The following PTPRR variants were observed in gnomAD, a reference collection of about 807,000 sequenced individuals.
The protein encoded by PTPRR is receptor-type tyrosine-protein phosphatase R.
A neutral mutation model predicts 77.2 loss-of-function variants in PTPRR; 38 were observed. The observed-to-expected ratio is 0.49, with a 90% CI of 0.38 to 0.65. The LOEUF is 0.65. PTPRR is among the 30% of genes least tolerant of loss of function. The pLI is 0.00. For missense variants in PTPRR, 744 were observed against 799.2 expected (o/e 0.93, Z 0.83); for synonymous variants, 299 against 283.1 (o/e 1.06, Z -0.57).
Position 70,907,645 on chromosome 12 carries a change from C to A in PTPRR, c.58+12688G>T, listed in dbSNP as rs113998729. ...AGAGTGGAACATAATACAATTAAAACGGTACCTTGGGACAATGTGACTAGA... is the reference window on the plus strand; with the variant it reads ...AGAGTGGAACATAATACAATTAAAAAGGTACCTTGGGACAATGTGACTAGA... On this transcript the variant is annotated intron_variant, in intron 1 of 13. Transcript: ENST00000283228. Among the ~76,000 whole-genome samples, 650 of 152,166 alleles carry A rather than the reference C, an allele frequency of 4.3e-3. 6 individuals carry two copies. Among genetic ancestry groups the A allele is most frequent in the Middle Eastern group, 0.024 (7 of 294 alleles).
Position 70,887,805 on chromosome 12 carries a change from G to A in PTPRR, c.357+4874C>T, listed in dbSNP as rs116881314. 2.1e-3 allele frequency among the ~76,000 whole-genome samples: 320 copies of A among 152,146 alleles called. 5 individuals are homozygous for A. The Middle Eastern group carries it at 0.027, about 13-fold the overall frequency. ...GAGACACAGGGATAGGCCAGGTGGT[G>A]TGCTATGCTTCCCAAACCTCTGAAA... On this transcript the variant is annotated intron_variant, in intron 2 of 13. Transcript: ENST00000283228.
At chr12:70,721,984 T>C (rs936760227) in intron 6 of PTPRR, among the ~76,000 whole-genome samples, 3 of 152,174 alleles carry the variant, frequency 2.0e-5, no homozygotes, top group African/African-American at 7.2e-5. Context: ...GGAAGTATTG[T>C]ATTAAGAAAT....
chr12:70,672,036 C>A lies in PTPRR; in HGVS notation c.1498-9431G>T, dbSNP rs955466173. 10 of 1,330,706 alleles carry A rather than the reference C, an allele frequency of 7.5e-6. No homozygotes were observed. In the African/African-American group the frequency reaches 1.2e-4, roughly 15 times the overall value. The allele number at this position is 1,330,706 out of a possible 1,614,324, so 82.4% of individuals were successfully genotyped here. A position where few individuals can be genotyped will look rare whatever the true frequency, so the allele number is the denominator to read the frequency against. ...TTCCAGGCACCCCACCTGGTGGGGCCTCACTTGGGCCCAGAGATGGAGAAT... is the reference window on the plus strand; with the variant it reads ...TTCCAGGCACCCCACCTGGTGGGGCATCACTTGGGCCCAGAGATGGAGAAT... On this transcript the variant is annotated intron_variant, in intron 10 of 13. Transcript: ENST00000283228.
At chr12:70,745,667 G>T in intron 6 of PTPRR, 151 bp downstream of exon 6, 1 of 908,140 alleles carries the variant, frequency 1.1e-6, no homozygotes. Flanking sequence ...GATTCCTTTG[G>T]GAGACAAGAA....
intron 8 of PTPRR, among the ~76,000 whole-genome samples, chr12:70,690,148 C>T (rs1888007047): frequency 6.6e-6 from 1 of 152,074 alleles, no homozygotes; most frequent in Non-Finnish European, 1.5e-5. Context: ...GGCGAGGTAA[C>T]CAGAGAGATT....
rs188061216 is a variant in PTPRR at position 70,773,798 on chromosome 12, C to G, written c.358-9020G>C. ...TAAATAAAAAGCATCTAATAGTACA[C>G]AAGTGTTTGCTACATTATTTTCTGT... On this transcript the variant is annotated intron_variant, in intron 2 of 13. Transcript: ENST00000283228. Among the ~76,000 whole-genome samples the G allele has an allele frequency of 1.9e-3, 295 of 152,260 alleles. 1 individual carries two copies. The highest frequency in any genetic ancestry group is 6.5e-3 in the African/African-American group (270 of 41,548).
chr12:70,761,031 C>A (rs1202077585), intron 4 of PTPRR, among the ~76,000 whole-genome samples: 1 of 152,000 alleles, frequency 6.6e-6, no homozygotes, highest in African/African-American at 2.4e-5. Flanking sequence ...AAATTAATTT[C>A]AAAGTTATGG....
intron 1 of PTPRR, among the ~76,000 whole-genome samples, chr12:70,899,770 A>G (rs1893499581): frequency 1.3e-5 from 2 of 151,360 alleles, no homozygotes; most frequent in Non-Finnish European, 3.0e-5. Flanking sequence ...AGATGACATG[A>G]TTGTCTATAT....
At chr12:70,779,485 A>G (rs1891157758) in intron 2 of PTPRR, among the ~76,000 whole-genome samples, 1 of 152,136 alleles carries the variant, frequency 6.6e-6, no homozygotes, top group African/African-American at 2.4e-5. Context: ...TCACTTCCTC[A>G]GAGAGGCCTT....
chr12:70,765,748 C>G (rs1051640244), intron 2 of PTPRR, among the ~76,000 whole-genome samples: 1 of 152,204 alleles, frequency 6.6e-6, no homozygotes, highest in African/African-American at 2.4e-5. Flanking sequence ...AGCAGGCTAA[C>G]TGGGAGGCAC....
chr12:70,835,561 T>C (rs1036378732), intron 2 of PTPRR, among the ~76,000 whole-genome samples: 13 of 152,094 alleles, frequency 8.5e-5, no homozygotes, highest in African/African-American at 2.9e-4. Flanking sequence ...AAGCTACTCA[T>C]GTATTCCATG....
intron 2 of PTPRR, among the ~76,000 whole-genome samples, chr12:70,879,032 C>T (rs1040969210): frequency 6.6e-6 from 1 of 152,040 alleles, no homozygotes; most frequent in African/African-American, 2.4e-5. Flanking sequence ...TGTTCTCACT[C>T]ATAGGTGGGA....
At chr12:70,684,807 T>C (rs1694815337) in intron 8 of PTPRR, 24 bp from the exon 9 acceptor site, 4 of 1,515,008 alleles carry the variant, frequency 2.6e-6, no homozygotes, top group Non-Finnish European at 2.7e-6. Context: ...CAAAAAAGAA[T>C]ATATTAAACA....
intron 10 of PTPRR, among the ~76,000 whole-genome samples, chr12:70,682,631 A>C (rs544679819): frequency 6.6e-6 from 1 of 152,182 alleles, no homozygotes; most frequent in African/African-American, 2.4e-5. Flanking sequence ...GCTGTATTAC[A>C]TAAGTTCTAT....
At chr12:70,862,773 G>T (rs1257725993) in intron 2 of PTPRR, among the ~76,000 whole-genome samples, 2 of 151,880 alleles carry the variant, frequency 1.3e-5, no homozygotes, top group Admixed American at 6.6e-5. Context: ...AACTAAGGTG[G>T]TTAGAAAATT....
chr12:70,882,340 TGATG>T (rs1164032793), intron 2 of PTPRR, among the ~76,000 whole-genome samples: 1 of 151,960 alleles, frequency 6.6e-6, no homozygotes, highest in Non-Finnish European at 1.5e-5. Flanking sequence ...ATAGGAGGAG[TGATG>T]GTCAGAATCT....
At chr12:70,778,279 C>T (rs1431505996) in intron 2 of PTPRR, among the ~76,000 whole-genome samples, 1 of 152,056 alleles carries the variant, frequency 6.6e-6, no homozygotes, top group Non-Finnish European at 1.5e-5. Flanking sequence ...GTGAAAAATA[C>T]TGTGGCCTGA....
intron 8 of PTPRR, among the ~76,000 whole-genome samples, chr12:70,685,662 G>A (rs1003528397): frequency 1.8e-4 from 27 of 151,454 alleles, no homozygotes; most frequent in African/African-American, 5.3e-4. Context: ...AAACAAAAAC[G>A]AAACAAAACA....
chr12:70,855,424 C>T (rs1892635321), intron 2 of PTPRR, among the ~76,000 whole-genome samples: 1 of 152,172 alleles, frequency 6.6e-6, no homozygotes, highest in Non-Finnish European at 1.5e-5. Flanking sequence ...AAATGAAGAA[C>T]TCCCACAACA....
Sources: allele counts gnomAD v4.1 joint callset (sites outside exome capture counted in the v4.1 genomes callset), GRCh38; gene constraint gnomAD v4.1.1; transcripts MANE v1.5; gene names NCBI Gene and HGNC (gene_info 2026-07-23, HGNC 2026-07-21).